The following WNK1 variants were observed in gnomAD, a reference collection of about 807,000 sequenced individuals.
WNK1 encodes serine/threonine-protein kinase WNK1.
A neutral mutation model predicts 222.8 loss-of-function variants in WNK1; 38 were observed. The observed-to-expected ratio is 0.17, with a 90% confidence interval of 0.13 to 0.22. The LOEUF is 0.22. Among genes scored for constraint, WNK1 ranks in the 10% least tolerant of loss-of-function variants. WNK1 has a pLI of 1.00. For missense variants in WNK1, 2,348 were observed against 2,918.4 expected, an observed-to-expected ratio of 0.80 and a Z score of 4.50; for synonymous variants, 1,090 against 1,092.9, an observed-to-expected ratio of 1.00 and a Z score of 0.05.
intron 25 of WNK1, among the ~76,000 whole-genome samples, chr12:899,030 G>A (rs74238830): frequency 0.14 from 20,628 of 152,162 alleles, 1,675 homozygotes; most frequent in East Asian, 0.4. Context: ...GTGAGCCACC[G>A]TGCCCGGCCC....
At chr12:775,680 A>G (rs929328152) in intron 1 of WNK1, among the ~76,000 whole-genome samples, 23 of 152,210 alleles carry the variant, frequency 1.5e-4, no homozygotes, top group Non-Finnish European at 2.9e-5. Context: ...TGTCTCAAAA[A>G]AAAGTTTGAG....
chr12:893,451 G>T (rs1046272017), intron 22 of WNK1, among the ~76,000 whole-genome samples: 3 of 152,112 alleles, frequency 2.0e-5, no homozygotes, highest in Admixed American at 6.5e-5. Context: ...TGTTCTACTA[G>T]CTGTATAAAA....
chr12:756,010 T>C (rs1378421486), intron 1 of WNK1, among the ~76,000 whole-genome samples: 3 of 152,224 alleles, frequency 2.0e-5, no homozygotes, highest in Non-Finnish European at 2.9e-5. Context: ...AAAAAACTTA[T>C]GTCCGATTCC....
At chr12:866,842 G>A (rs146074864) in intron 8 of WNK1, among the ~76,000 whole-genome samples, 9 of 152,052 alleles carry the variant, frequency 5.9e-5, no homozygotes, top group South Asian at 2.1e-4. Context: ...TCATGGTTAC[G>A]GCCGGGCTCA....
chr12:753,388 G>A lies in WNK1; in HGVS notation c.-178G>A. ...CGGTGCCAGCCCCCGCCGCAGCTGG[G>A]CCCAGCGGTCCGCCTGTCCCTCGTT... is the stretch of plus-strand genomic sequence containing the variant. On this transcript the variant is annotated 5_prime_UTR_variant, in exon 1 of 28. Coordinates refer to ENST00000315939, the MANE Select transcript of WNK1 (RefSeq NM_018979.4). This position sits in a 1 kb window ranked among gnomAD's most constrained non-coding sequence, Gnocchi z 5.2. 8.8e-6 allele frequency: 7 copies of A among 793,264 alleles called. No individual in the cohort carries two copies. The highest frequency in any genetic ancestry group is 1.4e-5 in the Non-Finnish European group (7 of 509,146). The allele number at this position is 793,264 out of a possible 1,614,324, so 49.1% of individuals were successfully genotyped here.
intron 8 of WNK1, among the ~76,000 whole-genome samples, chr12:865,813 C>A (rs957466809): frequency 6.6e-6 from 1 of 150,990 alleles, no homozygotes; most frequent in Admixed American, 6.6e-5. Flanking sequence ...TTTTTAATAA[C>A]CTTAGTCAGC....
rs1405695534 is a variant in WNK1, at chr12:909,800, C to G, written c.*1008C>G. On this transcript the variant is annotated 3_prime_UTR_variant, in exon 28 of 28. Coordinates refer to ENST00000315939, the MANE Select transcript of WNK1 (RefSeq NM_018979.4). ...CGTAGGTCCATGTGACCCCAGCAGT[C>G]CAGCAGTGGTTATGCCAAAGGGAAA... The G allele has an allele frequency of 2.6e-5, 4 of 152,178 alleles. No individual in the cohort carries two copies. Among genetic ancestry groups the G allele is most frequent in the African/African-American group, 9.7e-5 (4 of 41,434 alleles). 9.4% of individuals were successfully genotyped at this position (152,178 alleles called of 1,614,324 possible).
In WNK1 at chr12:859,390, T is replaced by C. The variant is rs746189208; in HGVS notation, c.1546T>C (p.Tyr516His). 6.2e-7 allele frequency: 1 copy of C among 1,612,684 alleles called. No homozygotes were observed. Among genetic ancestry groups the C allele is most frequent in the African/African-American group, 1.3e-5 (1 of 74,814 alleles). Reference protein sequence around the residue: ...IEDIKKLKGKYKDNEAIEFSF... With the variant: ...IEDIKKLKGKHKDNEAIEFSF... The stretch of plus-strand genomic sequence containing the variant: ...AGATATTAAGAAATTAAAGGGAAAA[T>C]ACAAAGATAATGAAGCTATTGAGTT... The change falls in exon 6 of 28, where the codon TAC (tyrosine) becomes CAC (histidine). Residue 516 changes from tyrosine (Y) to histidine (H), a missense_variant. Around this residue, in one of 13 missense-constraint regions of WNK1, gnomAD observed 37 missense variants for 102.8 expected, o/e 0.36. Transcript: ENST00000315939.
At position 908,039 on chromosome 12, in the gene WNK1, GTC is replaced by G. The variant is rs1372050569; in HGVS notation, c.6831+11_6831+12del. On this transcript the variant is annotated splice_donor_region_variant and intron_variant, in intron 27 of 27. Transcript: ENST00000315939. ...AAAGGGCACATGAATTACGAGGTAA[GTC>G]TCTCTTTTGCCGCAGAGAATCCGTA... is the stretch of plus-strand genomic sequence containing the variant. 6.8e-6 allele frequency: 11 copies of G among 1,613,936 alleles called. No homozygotes were observed. The Admixed American group carries it at 8.3e-5, about 12-fold the overall frequency.
chr12:862,103 G>T lies in WNK1; in HGVS notation c.1972G>T (p.Gly658Cys). ...TTCAGCTGATGGGACGGTTGACAGT[G>T]GTCAGGGATCCTCTGTCTTCACAGA... ...SVLSDGTVDS[G>C]QGSSVFTESR... Residue 658 changes from glycine (G) to cysteine (C), a missense_variant, in exon 8 of 28, where the codon GGT becomes TGT. Coordinates refer to ENST00000315939, the MANE Select transcript of WNK1 (RefSeq NM_018979.4). 6.2e-7 allele frequency: 1 copy of T among 1,613,926 alleles called. No homozygotes were observed. Among genetic ancestry groups the T allele is most frequent in the Non-Finnish European group, 8.5e-7 (1 of 1,179,948 alleles).
At chr12:893,647 C>T (rs1490521182) in intron 22 of WNK1, among the ~76,000 whole-genome samples, 1 of 151,126 alleles carries the variant, frequency 6.6e-6, no homozygotes, top group Admixed American at 6.6e-5. Flanking sequence ...GACGGTGAAA[C>T]CCCGTCTCTA....
In WNK1 at chr12:883,663, C is replaced by A. The variant is rs781435104; in HGVS notation, c.3663+95C>A. On this transcript the variant is annotated intron_variant, in intron 16 of 27. Transcript: ENST00000315939. ...CAAAATGTCCAGTGATATCACCTGA[C>A]ACCCATGACCGACAACAAACTTTTA... 16 of 1,594,500 alleles carry A rather than the reference C, an allele frequency of 1.0e-5. 1 individual carries two copies. The African/African-American group carries it at 2.0e-4, about 20-fold the overall frequency.
Position 828,575 on chromosome 12 carries a change from G to C in WNK1, c.1153+1313G>C, listed in dbSNP as rs76484429. ...TAGATACCAGTAGCACGCTCCCTCT[G>C]TACCTGCCTTCTAGTTGTTATAACC... is the stretch of plus-strand genomic sequence containing the variant. On this transcript the variant is annotated intron_variant, in intron 3 of 27. Transcript: ENST00000315939. Among the ~76,000 whole-genome samples, 205 of 152,122 alleles carry C rather than the reference G, an allele frequency of 1.3e-3. 1 individual carries two copies. Among genetic ancestry groups the C allele is most frequent in the Non-Finnish European group, 2.5e-3 (170 of 67,990 alleles).
At chr12:812,387 A>G (rs1429022311) in intron 1 of WNK1, among the ~76,000 whole-genome samples, 2 of 152,206 alleles carry the variant, frequency 1.3e-5, no homozygotes, top group South Asian at 4.1e-4. Context: ...TCACTATGCT[A>G]GGTTGTCAGG....
intron 1 of WNK1, among the ~76,000 whole-genome samples, chr12:805,732 C>T (rs1162281573): frequency 6.6e-6 from 1 of 152,022 alleles, no homozygotes; most frequent in East Asian, 1.9e-4. Context: ...AATTAATTAA[C>T]AAAATTAATG....
intron 25 of WNK1, among the ~76,000 whole-genome samples, chr12:898,733 C>T (rs1954964494): frequency 6.7e-6 from 1 of 149,570 alleles, no homozygotes; most frequent in Admixed American, 6.7e-5. Flanking sequence ...ACTACCATGC[C>T]CTGCTAACTT....
chr12:875,455 T>C (rs934598442), intron 9 of WNK1, among the ~76,000 whole-genome samples: 7 of 152,200 alleles, frequency 4.6e-5, no homozygotes, highest in African/African-American at 9.6e-5. Context: ...TTAGAAATGT[T>C]CATTGAGAAC....
chr12:890,954 GCT>G (rs1309784359), intron 22 of WNK1, among the ~76,000 whole-genome samples: 7 of 152,036 alleles, frequency 4.6e-5, no homozygotes, highest in African/African-American at 1.7e-4. Flanking sequence ...TTCTCAATTG[GCT>G]CTCATTTTAA....
intron 10 of WNK1, 103 bp from the exon 11 acceptor site, chr12:879,470 C>CT: frequency 2.0e-5 from 13 of 658,306 alleles, no homozygotes; most frequent in East Asian, 7.6e-5. Context: ...TTGTTTTTTC[C>CT]TTCTTTTTGG....
Sources: gnomAD v4.1 joint callset for allele counts (sites outside exome capture counted in the v4.1 genomes callset) on GRCh38, gnomAD v4.1.1 for gene constraint, gnomAD v4.1.1 regional missense constraint, Gnocchi (gnomAD v3.1) non-coding constraint, MANE v1.5 for transcripts, NCBI Gene and HGNC (gene_info 2026-07-23, HGNC 2026-07-21) for gene names.